Variants in TIMELESS observed in about 807,000 individuals in gnomAD.
TIMELESS encodes timeless circadian regulator.
Under a neutral mutation model 164.3 loss-of-function variants are expected in TIMELESS, and 124 were observed. The ratio of observed to expected loss-of-function variants is 0.75; its 90% CI spans 0.65 to 0.88. TIMELESS has a LOEUF of 0.88. Among genes scored for constraint, TIMELESS ranks in the 40% least tolerant of loss-of-function variants. The pLI, the probability that TIMELESS is intolerant of heterozygous loss-of-function variation, is 0.00. For synonymous variants in TIMELESS, 564 were observed against 563.4 expected, an observed-to-expected ratio of 1.00 and a Z score of -0.02; for missense variants, 1,422 against 1,491.4, an observed-to-expected ratio of 0.95 and a Z score of 0.77.
Position 56,417,596 on chromosome 12 carries a change from T to A in TIMELESS, c.*120A>T. 1.1e-6 allele frequency: 1 copy of A among 932,454 alleles called. No individual in the cohort carries two copies. The highest frequency in any genetic ancestry group is 1.7e-6 in the Non-Finnish European group (1 of 592,658). 57.8% of individuals were successfully genotyped at this position (932,454 alleles called of 1,614,324 possible). ...CTCAGCCTAAATCCGTGAAAGAGCCTGGGATTCTACTGCTCTGTCCAGTAA... is the reference window on the plus strand; with the variant it reads ...CTCAGCCTAAATCCGTGAAAGAGCCAGGGATTCTACTGCTCTGTCCAGTAA... On this transcript the variant is annotated 3_prime_UTR_variant, in exon 29 of 29. Transcript: ENST00000553532.
intron 1 of TIMELESS, among the ~76,000 whole-genome samples, chr12:56,436,189 C>T (rs905708709): frequency 6.6e-6 from 1 of 152,134 alleles, no homozygotes; most frequent in African/African-American, 2.4e-5. Context: ...CGTAGTAACT[C>T]ATGCCTGTTA....
intron 14 of TIMELESS, 21 bp downstream of exon 14, chr12:56,424,994 A>T (rs1881629464): frequency 1.2e-6 from 2 of 1,614,090 alleles, no homozygotes; most frequent in Non-Finnish European, 1.7e-6. Flanking sequence ...CAAAAAAGAC[A>T]GGGTTTCTGT....
rs1464082959 is a variant in TIMELESS at position 56,416,539 on chromosome 12, G to T, written c.*1177C>A. On this transcript the variant is annotated 3_prime_UTR_variant, in exon 29 of 29. Transcript: ENST00000553532. ...TATTTATCCATCCTTTTCATGCCTA[G>T]ATTTTGTCCTTTTCTATGCCCCATG... The T allele has an allele frequency of 6.6e-6, 1 of 152,118 alleles. No individual in the cohort carries two copies. Among genetic ancestry groups the T allele is most frequent in the Non-Finnish European group, 1.5e-5 (1 of 68,028 alleles). The allele number at this position is 152,118 out of a possible 1,614,324, so 9.4% of individuals were successfully genotyped here. A position where few individuals can be genotyped will look rare whatever the true frequency, so the allele number is the denominator to read the frequency against.
intron 1 of TIMELESS, among the ~76,000 whole-genome samples, chr12:56,437,811 C>T (rs369031724): frequency 2.0e-5 from 3 of 152,202 alleles, no homozygotes; most frequent in South Asian, 4.1e-4. Flanking sequence ...AACTCATCAA[C>T]GCTCATGCAC....
At position 56,428,393 on chromosome 12, in the gene TIMELESS, T is replaced by C. The variant is rs771249902; in HGVS notation, c.1421A>G (p.Tyr474Cys). 2.5e-6 allele frequency: 4 copies of C among 1,609,098 alleles called. No individual in the cohort carries two copies. In the South Asian group the frequency reaches 3.3e-5, roughly 13 times the overall value. ...SSRIIKNNIF[Y>C]VMEYRELFLA... ...GAATAGTTCTCGGTACTCCATCACA[T>C]AGAAAATATTGTCTAGGAATGGGGA... The change falls in exon 13 of 29, where the codon TAT (tyrosine) becomes TGT (cysteine). Residue 474 changes from tyrosine to cysteine, a missense_variant. Transcript: ENST00000553532.
intron 23 of TIMELESS, 30 bp downstream of exon 23, chr12:56,421,321 A>G (rs1362124075): frequency 6.2e-7 from 1 of 1,607,908 alleles, no homozygotes. Flanking sequence ...AAGTGAGCCC[A>G]TGCCAGCAGA....
chr12:56,419,459 A>AGTGT (rs10664617), intron 26 of TIMELESS, among the ~76,000 whole-genome samples: 2,008 of 147,390 alleles, frequency 0.014, 32 homozygotes, highest in African/African-American at 0.037. Context: ...AGACAGATGG[A>AGTGT]GTGTGTGTGT....
intron 15 of TIMELESS, 63 bp from the exon 16 acceptor site, chr12:56,423,957 AAGT>A: frequency 7.2e-7 from 1 of 1,396,904 alleles, no homozygotes; most frequent in African/African-American, 1.4e-5. Flanking sequence ...TTATAATTCG[AAGT>A]AGAAGAAGGA....
intron 1 of TIMELESS, among the ~76,000 whole-genome samples, chr12:56,445,433 A>G (rs1212475699): frequency 8.4e-6 from 1 of 119,716 alleles, no homozygotes; most frequent in African/African-American, 4.1e-5. Flanking sequence ...AAAAAAAAAA[A>G]AAAAAAAAAA....
At chr12:56,445,688 C>T (rs1387077421) in intron 1 of TIMELESS, among the ~76,000 whole-genome samples, 2 of 151,808 alleles carry the variant, frequency 1.3e-5, no homozygotes, top group Admixed American at 1.3e-4. Context: ...TGAGATCGCA[C>T]CACTGCACTC....
Position 56,430,193 on chromosome 12 carries a change from C to G in TIMELESS, c.998G>C (p.Arg333Pro), listed in dbSNP as rs144344864. Residue 333 changes from arginine (R) to proline (P), a missense_variant, in exon 10 of 29, where the codon CGT becomes CCT. Physicochemically the swap from Arg to Pro is moderately radical, Grantham distance 103 (BLOSUM62 -2). Transcript: ENST00000553532. Reference protein sequence around the residue: ...QAARELSIQRRSALNVRLFLR... With the variant: ...QAARELSIQRPSALNVRLFLR... ...GAAGAGCCTCACATTGAGGGCAGAA[C>G]GGCGCTGAATGGACAGCTCTCGGGC... 1.2e-6 allele frequency: 2 copies of G among 1,614,092 alleles called. No individual in the cohort carries two copies. Among genetic ancestry groups the G allele is most frequent in the Non-Finnish European group, 1.7e-6 (2 of 1,180,032 alleles).
chr12:56,427,824 C>T (rs1881725270), intron 13 of TIMELESS, among the ~76,000 whole-genome samples: 1 of 152,198 alleles, frequency 6.6e-6, no homozygotes, highest in East Asian at 1.9e-4. Context: ...AATCTGCCCA[C>T]CTTGGCCTCC....
Position 56,417,946 on chromosome 12 carries a change from T to C in TIMELESS, c.3517A>G (p.Ser1173Gly). 7 of 1,614,230 alleles carry C rather than the reference T, an allele frequency of 4.3e-6. No individual in the cohort carries two copies. The highest frequency in any genetic ancestry group is 5.1e-6 in the Non-Finnish European group (6 of 1,180,036). The change falls in exon 28 of 29, where the codon AGC becomes GGC. Residue 1173 changes from serine (S) to glycine (G), a missense_variant. Ser to Gly is a moderately conservative substitution (Grantham distance 56, BLOSUM62 0). Coordinates refer to ENST00000553532, the MANE Select transcript of TIMELESS (RefSeq NM_003920.5). ...AAPKKRQLLD[S>G]DEEQEEDEGR... Reference sequence around the variant, plus strand: ...TCATCTTCTTCCTGTTCCTCGTCGCTGTCCAGCAATTGTCGTTTCTTGGGT... The same window carrying C: ...TCATCTTCTTCCTGTTCCTCGTCGCCGTCCAGCAATTGTCGTTTCTTGGGT...
chr12:56,420,029 A>AAAAAAAT (rs1555176447), intron 26 of TIMELESS, among the ~76,000 whole-genome samples: 35 of 75,182 alleles, frequency 4.7e-4, no homozygotes, highest in East Asian at 1.0e-3. Context: ...AAAAAAAAAA[A>AAAAAAAT]ATATATATAT....
chr12:56,417,965 C>A lies in TIMELESS; in HGVS notation c.3498G>T (p.Lys1166Asn). Residue 1166 changes from lysine (K) to asparagine (N), a missense_variant, in exon 28 of 29, where the codon AAG (lysine) becomes AAT (asparagine). By Grantham distance (94) the Lys-to-Asn change is moderately conservative. Transcript: ENST00000553532. ...VGKEPLKAAP[K>N]KRQLLDSDEE... ...CGTCGCTGTCCAGCAATTGTCGTTT[C>A]TTGGGTGCTGCCTTCAGCGGCTCTT... The A allele has an allele frequency of 6.2e-7, 1 of 1,614,226 alleles. No individual in the cohort carries two copies. Among genetic ancestry groups the A allele is most frequent in the Non-Finnish European group, 8.5e-7 (1 of 1,180,040 alleles).
intron 8 of TIMELESS, 27 bp from the exon 9 acceptor site, chr12:56,430,995 AT>A: frequency 1.4e-6 from 2 of 1,468,162 alleles, no homozygotes; most frequent in Admixed American, 2.2e-5. Flanking sequence ...GTCCAAGGTG[AT>A]TTTTCAGTTC....
At chr12:56,428,183 C>CG (rs1246410445) in intron 13 of TIMELESS, 53 bp downstream of exon 13, 18 of 1,488,960 alleles carry the variant, frequency 1.2e-5, no homozygotes, top group Middle Eastern at 2.2e-4. Flanking sequence ...AAAGAGCCCC[C>CG]CTTCCTTGAC....
intron 26 of TIMELESS, among the ~76,000 whole-genome samples, chr12:56,420,114 A>C (rs987730753): frequency 4.7e-5 from 7 of 147,512 alleles, no homozygotes; most frequent in Non-Finnish European, 8.9e-5. Flanking sequence ...TATATTTACA[A>C]TACAGTATAA....
chr12:56,423,223 C>T, intron 18 of TIMELESS, 51 bp downstream of exon 18: 1 of 1,591,614 alleles, frequency 6.3e-7, no homozygotes, highest in African/African-American at 1.3e-5. Context: ...TATTTATTTA[C>T]CTGAGGGTTC....
Sources: gnomAD v4.1 joint callset for allele counts (sites outside exome capture counted in the v4.1 genomes callset) on GRCh38, gnomAD v4.1.1 for gene constraint, MANE v1.5 for transcripts, NCBI Gene and HGNC (gene_info 2026-07-23, HGNC 2026-07-21) for gene names.